Variants in PRELID2 observed in about 807,000 individuals in gnomAD.
PRELID2 encodes PRELI domain-containing protein 2.
Under a neutral mutation model 28.4 loss-of-function variants are expected in PRELID2, and 25 were observed. The observed-to-expected ratio is 0.88, with a 90% CI of 0.64 to 1.23. The LOEUF (loss-of-function observed/expected upper bound fraction) is 1.23, where lower values mean the gene tolerates loss of function less well. PRELID2 is among the 50% of genes most tolerant of loss of function. PRELID2 has a pLI of 0.00. For synonymous variants in PRELID2, 76 were observed against 71.6 expected, an observed-to-expected ratio of 1.06 and a Z score of -0.31; for missense variants, 201 against 214.4, an observed-to-expected ratio of 0.94 and a Z score of 0.39.
intron 1 of PRELID2, among the ~76,000 whole-genome samples, chr5:145,637,004 A>C (rs1345119516): frequency 6.6e-6 from 1 of 152,180 alleles, no homozygotes; most frequent in African/African-American, 2.4e-5. Flanking sequence ...AAGGCAGAAC[A>C]CAGTCAAGCA....
intron 1 of PRELID2, among the ~76,000 whole-genome samples, chr5:145,828,841 T>C (rs1755388471): frequency 7.1e-6 from 1 of 141,270 alleles, no homozygotes; most frequent in African/African-American, 2.6e-5. Context: ...TCTTTTTTTT[T>C]TTTTTTTTTT....
At chr5:145,243,316 C>A in the PRELID2 span, among the ~76,000 whole-genome samples, 3 of 151,764 alleles carry the variant, frequency 2.0e-5, no homozygotes, top group Non-Finnish European at 4.4e-5. Context: ...CAGATTTCAC[C>A]CCAGAAGACT....
chr5:145,574,907 A>C (rs1561508996), intron 1 of PRELID2, among the ~76,000 whole-genome samples: 1 of 152,246 alleles, frequency 6.6e-6, no homozygotes, highest in Non-Finnish European at 1.5e-5. Context: ...AGATGTGTAC[A>C]TGTTCAGCAT....
the PRELID2 span, among the ~76,000 whole-genome samples, chr5:145,380,903 T>G: frequency 6.6e-6 from 1 of 152,178 alleles, no homozygotes; most frequent in African/African-American, 2.4e-5. Context: ...CCTAAAAAAC[T>G]ATGGGACACA....
intron 6 of PRELID2, among the ~76,000 whole-genome samples, chr5:145,764,240 T>C (rs1404647731): frequency 6.6e-6 from 1 of 152,170 alleles, no homozygotes; most frequent in Non-Finnish European, 1.5e-5. Context: ...ATCCAGACAA[T>C]AGAAATTTAG....
chr5:145,609,957 A>G (rs1404193275), intron 1 of PRELID2, among the ~76,000 whole-genome samples: 2 of 152,182 alleles, frequency 1.3e-5, no homozygotes, highest in Non-Finnish European at 2.9e-5. Flanking sequence ...CCCAGGAACC[A>G]CGACTGCAGC....
chr5:145,388,013 C>T, the PRELID2 span, among the ~76,000 whole-genome samples: 1 of 150,168 alleles, frequency 6.7e-6, no homozygotes, highest in Non-Finnish European at 1.5e-5. Flanking sequence ...TTTAAAGAGG[C>T]TTATCATTAA....
the PRELID2 span, among the ~76,000 whole-genome samples, chr5:145,370,599 A>T: frequency 1.3e-5 from 2 of 152,108 alleles, no homozygotes; most frequent in Non-Finnish European, 2.9e-5. Context: ...TGTCTTGGCT[A>T]TATGGGGTCT....
chr5:145,644,346 A>G (rs943957013), intron 1 of PRELID2, among the ~76,000 whole-genome samples: 24 of 152,012 alleles, frequency 1.6e-4, no homozygotes, highest in Admixed American at 1.4e-3. Flanking sequence ...TTTCTGTGGG[A>G]TCAGTGGTGA....
the PRELID2 span, among the ~76,000 whole-genome samples, chr5:145,379,010 A>G: frequency 1.3e-5 from 2 of 150,064 alleles, no homozygotes; most frequent in East Asian, 2.0e-4. Context: ...TTTTTTTTCT[A>G]TTAGATGAAT....
intron 1 of PRELID2, among the ~76,000 whole-genome samples, chr5:145,552,176 C>T (rs1401053011): frequency 6.6e-6 from 1 of 152,116 alleles, no homozygotes; most frequent in African/African-American, 2.4e-5. Flanking sequence ...CAACAGCCTC[C>T]GGATCACACA....
chr5:145,380,730 C>T, the PRELID2 span, among the ~76,000 whole-genome samples: 6 of 152,204 alleles, frequency 3.9e-5, no homozygotes, highest in East Asian at 7.7e-4. Context: ...GCATTAAATA[C>T]GTTTCAGTTG....
intron 1 of PRELID2, among the ~76,000 whole-genome samples, chr5:145,741,695 A>T (rs796291270): frequency 0.058 from 1,014 of 17,550 alleles, 356 homozygotes; most frequent in East Asian, 0.37. Context: ...ATTTATTTAT[A>T]TATAAATAAT....
At chr5:145,542,518 G>A (rs560429872) in intron 1 of PRELID2, among the ~76,000 whole-genome samples, 3 of 151,956 alleles carry the variant, frequency 2.0e-5, no homozygotes, top group African/African-American at 7.2e-5. Context: ...ACTATTGGGA[G>A]AAAAAAATAG....
the PRELID2 span, among the ~76,000 whole-genome samples, chr5:145,280,201 G>A: frequency 8.6e-5 from 13 of 152,030 alleles, no homozygotes; most frequent in Admixed American, 1.3e-4. Context: ...CCTATGTCAC[G>A]GGGAAAATTT....
intron 1 of PRELID2, among the ~76,000 whole-genome samples, chr5:145,489,888 C>T (rs1279881477): frequency 1.3e-5 from 2 of 152,082 alleles, no homozygotes; most frequent in African/African-American, 4.8e-5. Flanking sequence ...TTTCCAAAAC[C>T]TTAAAAGATT....
the PRELID2 span, among the ~76,000 whole-genome samples, chr5:145,275,268 G>A: frequency 0.024 from 3,642 of 152,124 alleles, 144 homozygotes; most frequent in African/African-American, 0.083. Context: ...CTGTCCTCAT[G>A]GACCACAGGA....
chr5:145,320,354 T>C, the PRELID2 span, among the ~76,000 whole-genome samples: 3 of 151,200 alleles, frequency 2.0e-5, no homozygotes, highest in Non-Finnish European at 4.4e-5. Context: ...CACTGCAAGC[T>C]CCGCCTCACC....
rs77528190 is a variant in PRELID2, at chr5:145,667,885, G to A, written n.70+97046C>T. ...TAACCTCAGCCACTGTGTGTATGTG[G>A]CTATAGCAGAATATTCAAAAGAAAG... On this transcript the variant is annotated intron_variant and non_coding_transcript_variant, in intron 1 of 2. Transcript: ENST00000510259. Among the ~76,000 whole-genome samples, 35 of 152,200 alleles carry A rather than the reference G, an allele frequency of 2.3e-4. No homozygotes were observed. The East Asian group carries it at 4.2e-3, about 18-fold the overall frequency.
Sources: allele counts gnomAD v4.1 joint callset (sites outside exome capture counted in the v4.1 genomes callset), GRCh38; gene constraint gnomAD v4.1.1; transcripts MANE v1.5; gene names NCBI Gene and HGNC (gene_info 2026-07-23, HGNC 2026-07-21).